Variants in GABRG2 observed in about 807,000 individuals in gnomAD.
GABRG2 encodes gamma-aminobutyric acid type A receptor subunit gamma2, also known as gamma-aminobutyric acid receptor subunit gamma-2.
GABRG2 carries 16 observed loss-of-function variants against 56.4 expected under a neutral mutation model. That is an observed-to-expected ratio of 0.28 (90% CI 0.19 to 0.43). The LOEUF is 0.43. GABRG2 is among the 20% of genes least tolerant of loss of function. The pLI, the probability that GABRG2 is intolerant of heterozygous loss-of-function variation, is 1.00. For synonymous variants in GABRG2, 208 were observed against 205.5 expected (o/e 1.01, Z -0.10); for missense variants, 327 against 582.7 (o/e 0.56, Z 4.52).
At chr5:162,070,184 T>G (rs1363850872) in intron 1 of GABRG2, among the ~76,000 whole-genome samples, 1 of 152,146 alleles carries the variant, frequency 6.6e-6, no homozygotes, top group Non-Finnish European at 1.5e-5. Flanking sequence ...CCAGACTATC[T>G]TAGATGAGTT....
chr5:162,072,988 A>G (rs991412354), intron 1 of GABRG2, among the ~76,000 whole-genome samples: 1 of 151,940 alleles, frequency 6.6e-6, no homozygotes, highest in Non-Finnish European at 1.5e-5. Context: ...GTCTCAATCC[A>G]TCAATAGTGT....
chr5:162,082,410 G>A (rs987242344), intron 1 of GABRG2, among the ~76,000 whole-genome samples: 2 of 151,742 alleles, frequency 1.3e-5, no homozygotes, highest in Non-Finnish European at 1.5e-5. Context: ...TACACAAACA[G>A]CCCTCTTCTA....
In GABRG2 at chr5:162,101,203, AT is replaced by A. The variant is rs764971510; in HGVS notation, c.549-31del. 1.1e-5 allele frequency: 15 copies of A among 1,388,948 alleles called. 1 individual carries two copies. In the South Asian group the frequency reaches 1.6e-4, roughly 15 times the overall value. The allele number at this position is 1,388,948 out of a possible 1,614,324, so 86.0% of individuals were successfully genotyped here. ...TTTACAATTTAAAATTATGTCTAAA[AT>A]CCATCTTATGTTTAATATCTTTCTA... On this transcript the variant is annotated intron_variant, in intron 4 of 9. Coordinates refer to ENST00000639213, the MANE Select transcript of GABRG2 (RefSeq NM_198904.4).
intron 3 of GABRG2, among the ~76,000 whole-genome samples, chr5:162,096,096 A>G (rs1760978182): frequency 6.6e-6 from 1 of 151,990 alleles, no homozygotes; most frequent in Non-Finnish European, 1.5e-5. Flanking sequence ...ATTCTATATT[A>G]TACAATATTA....
intron 7 of GABRG2, among the ~76,000 whole-genome samples, chr5:162,148,184 A>G (rs1316075015): frequency 1.3e-5 from 2 of 152,188 alleles, no homozygotes; most frequent in African/African-American, 2.4e-5. Flanking sequence ...ATAATTAGTA[A>G]AGTATGAGCT....
At chr5:162,069,396 G>T (rs1251206353) in intron 1 of GABRG2, among the ~76,000 whole-genome samples, 1 of 152,036 alleles carries the variant, frequency 6.6e-6, no homozygotes, top group Non-Finnish European at 1.5e-5. Context: ...ACATTTTTTT[G>T]TGGGTCGACA....
At chr5:162,097,946 A>G (rs1224475719) in intron 4 of GABRG2, 88 bp downstream of exon 4, 1 of 1,151,290 alleles carries the variant, frequency 8.7e-7, no homozygotes, top group Non-Finnish European at 1.3e-6. Context: ...AAGAAAAAAA[A>G]AAAAGGAAAT....
At chr5:162,146,716 T>C (rs1764975006) in intron 7 of GABRG2, among the ~76,000 whole-genome samples, 1 of 152,170 alleles carries the variant, frequency 6.6e-6, no homozygotes, top group Non-Finnish European at 1.5e-5. Context: ...GAAAGGGAGA[T>C]TGGTTATTAC....
At chr5:162,131,000 G>T (rs1266008363) in intron 6 of GABRG2, among the ~76,000 whole-genome samples, 1 of 151,926 alleles carries the variant, frequency 6.6e-6, no homozygotes, top group African/African-American at 2.4e-5. Flanking sequence ...CATTCAATAA[G>T]AAAACACCTA....
intron 6 of GABRG2, among the ~76,000 whole-genome samples, chr5:162,139,721 T>C (rs1581434643): frequency 6.6e-6 from 1 of 152,346 alleles, no homozygotes; most frequent in East Asian, 1.9e-4. Flanking sequence ...AAAAAGAAGT[T>C]ACTAAAATTG....
chr5:162,091,656 A>G (rs1760600348), intron 1 of GABRG2, among the ~76,000 whole-genome samples: 1 of 152,032 alleles, frequency 6.6e-6, no homozygotes, highest in South Asian at 2.1e-4. Flanking sequence ...AAACTAGGTG[A>G]TGACTCTGAG....
At chr5:162,096,663 T>C (rs1761017853) in intron 3 of GABRG2, among the ~76,000 whole-genome samples, 1 of 150,764 alleles carries the variant, frequency 6.6e-6, no homozygotes, top group African/African-American at 2.4e-5. Context: ...CAGTGGGAGG[T>C]GGTGCAAGGA....
At chr5:162,124,102 G>A (rs1046357323) in intron 6 of GABRG2, among the ~76,000 whole-genome samples, 2 of 151,866 alleles carry the variant, frequency 1.3e-5, no homozygotes, top group South Asian at 4.1e-4. Flanking sequence ...GTTTGAGCTG[G>A]GTCTTATCAT....
At chr5:162,143,077 A>G (rs1764701167) in intron 7 of GABRG2, among the ~76,000 whole-genome samples, 1 of 152,182 alleles carries the variant, frequency 6.6e-6, no homozygotes, top group African/African-American at 2.4e-5. Context: ...TGCTTGCACC[A>G]GCTCATGAAA....
chr5:162,071,917 G>GA (rs545298805), intron 1 of GABRG2, among the ~76,000 whole-genome samples: 2,540 of 146,856 alleles, frequency 0.017, 34 homozygotes, highest in Non-Finnish European at 0.026. Context: ...CCATTAACCT[G>GA]AAAAAAAAAA....
intron 9 of GABRG2, 189 bp from the exon 10 acceptor site, chr5:162,152,904 C>A: frequency 1.4e-6 from 1 of 702,104 alleles, no homozygotes; most frequent in South Asian, 1.7e-5. Context: ...TGCTTAAGCT[C>A]AAAATTTGAA....
chr5:162,108,367 T>G (rs1482318790), intron 6 of GABRG2, among the ~76,000 whole-genome samples: 1 of 152,196 alleles, frequency 6.6e-6, no homozygotes, highest in Non-Finnish European at 1.5e-5. Flanking sequence ...TTCTACAATT[T>G]CCCAGCTTGT....
In GABRG2 at chr5:162,147,058, A is replaced by G. The variant is rs182686076; in HGVS notation, c.923-2050A>G. On this transcript the variant is annotated intron_variant, in intron 7 of 9. Transcript: ENST00000639213. ...TTCAAGAGTGTTTTTGCTTTTCTCA[A>G]TTTTCTTCTAAGCATGTTCTACCAG... is the stretch of plus-strand genomic sequence containing the variant. 5.6e-3 allele frequency among the ~76,000 whole-genome samples: 858 copies of G among 152,020 alleles called. 17 individuals are homozygous for G. The highest frequency in any genetic ancestry group is 0.019 in the African/African-American group (808 of 41,452).
chr5:162,134,819 C>A (rs1764001297), intron 6 of GABRG2, among the ~76,000 whole-genome samples: 2 of 152,074 alleles, frequency 1.3e-5, no homozygotes, highest in Admixed American at 6.6e-5. Flanking sequence ...TCCTCAGCAG[C>A]CTGCAGGGAA....
Sources: allele counts gnomAD v4.1 joint callset (sites outside exome capture counted in the v4.1 genomes callset), GRCh38; gene constraint gnomAD v4.1.1; transcripts MANE v1.5; gene names NCBI Gene and HGNC (gene_info 2026-07-23, HGNC 2026-07-21).